Variants in RBM34 observed in about 807,000 individuals in gnomAD.
RBM34 encodes the protein RNA-binding protein 34.
A neutral mutation model predicts 44.6 loss-of-function variants in RBM34; 39 were observed. That is an observed-to-expected ratio of 0.87 (90% CI 0.68 to 1.14). The LOEUF (loss-of-function observed/expected upper bound fraction) is 1.14, where lower values mean the gene tolerates loss of function less well. Ranked by LOEUF, RBM34 falls within the 50% of genes most tolerant of loss-of-function variation. The pLI, the probability that RBM34 is intolerant of heterozygous loss-of-function variation, is 0.00. For synonymous variants in RBM34, 194 were observed against 184.0 expected, an observed-to-expected ratio of 1.05 and a Z score of -0.44; for missense variants, 572 against 517.9, an observed-to-expected ratio of 1.10 and a Z score of -1.01.
At chr1:235,141,774 G>A (rs1461972132) in intron 6 of RBM34, among the ~76,000 whole-genome samples, 5 of 152,130 alleles carry the variant, frequency 3.3e-5, no homozygotes, top group African/African-American at 9.7e-5. Flanking sequence ...CTTAAGAGCT[G>A]TAACACTCAC....
At chr1:235,152,633 C>A in intron 5 of RBM34, 73 bp downstream of exon 5, 1 of 1,565,174 alleles carries the variant, frequency 6.4e-7, no homozygotes. Flanking sequence ...ATCTCACTAA[C>A]AGCAATAAGT....
In RBM34 at chr1:235,160,510, C is replaced by A. The variant is rs762023566; in HGVS notation, c.365+1G>T. 6.2e-7 allele frequency: 1 copy of A among 1,609,632 alleles called. No individual in the cohort carries two copies. The highest frequency in any genetic ancestry group is 8.5e-7 in the Non-Finnish European group (1 of 1,178,926). On this transcript the variant is annotated splice_donor_variant, in intron 3 of 10. Transcript: ENST00000408888. LOFTEE classifies it high-confidence loss of function. ...ACATCAAATAAGAGAATTTTACCAA[C>A]CTGTCTGCCAACTTTTTTTCTGCGT...
intron 8 of RBM34, among the ~76,000 whole-genome samples, chr1:235,137,658 G>A (rs940610153): frequency 6.6e-6 from 1 of 151,648 alleles, no homozygotes; most frequent in East Asian, 1.9e-4. Context: ...TTACAGGCAT[G>A]AGCCATTGTG....
chr1:235,132,116 C>G (rs1482966469), intron 10 of RBM34, 119 bp from the exon 11 acceptor site: 3 of 904,946 alleles, frequency 3.3e-6, no homozygotes, highest in Non-Finnish European at 4.9e-6. Context: ...AAGCCCCATC[C>G]AATCCCAGGT....
chr1:235,160,787 C>T, intron 2 of RBM34, 106 bp downstream of exon 2: 1 of 1,515,240 alleles, frequency 6.6e-7, no homozygotes, highest in South Asian at 1.2e-5. Context: ...TAAAATGAAT[C>T]CTGTCTGCCC....
At chr1:235,140,572 C>T (rs1018468677) in intron 6 of RBM34, among the ~76,000 whole-genome samples, 1 of 152,208 alleles carries the variant, frequency 6.6e-6, no homozygotes, top group African/African-American at 2.4e-5. Flanking sequence ...GCCTGAGCCT[C>T]CCACCCCCTC....
chr1:235,152,281 C>T (rs1247774259), intron 5 of RBM34, among the ~76,000 whole-genome samples: 1 of 152,166 alleles, frequency 6.6e-6, no homozygotes, highest in Non-Finnish European at 1.5e-5. Flanking sequence ...ATTAAATTGA[C>T]ATAAATTCTT....
chr1:235,136,801 T>A (rs1393951629), intron 8 of RBM34, among the ~76,000 whole-genome samples: 1 of 152,250 alleles, frequency 6.6e-6, no homozygotes, highest in Non-Finnish European at 1.5e-5. Flanking sequence ...AAGGTCTTCA[T>A]GATTTGGCCT....
In RBM34 at chr1:235,155,864, T is replaced by TATACATAC. The variant is rs1553275377; in HGVS notation, c.366-753_366-752insGTATGTAT. ...ATATATATATATATATATATATATA[T>TATACATAC]ATACATATATACTTTTTTTTTTTGA... On this transcript the variant is annotated intron_variant, in intron 3 of 10. Transcript: ENST00000408888. Among the ~76,000 whole-genome samples the TATACATAC allele has an allele frequency of 5.2e-4, 42 of 81,124 alleles. 2 individuals carry two copies. Among genetic ancestry groups the TATACATAC allele is most frequent in the African/African-American group, 4.0e-3 (41 of 10,224 alleles). The allele number at this position is 81,124 out of a possible 152,430, so 53.2% of individuals were successfully genotyped here.
intron 6 of RBM34, among the ~76,000 whole-genome samples, chr1:235,140,679 G>T (rs1444588504): frequency 6.6e-6 from 1 of 152,250 alleles, no homozygotes; most frequent in African/African-American, 2.4e-5. Flanking sequence ...GGGAGTGCAG[G>T]CGCACGGCAT....
rs1257411746 is a variant in RBM34, at chr1:235,136,048, C to T, written c.875G>A (p.Gly292Glu). The change falls in exon 9 of 11, where the codon GGG becomes GAG. Residue 292 changes from glycine to glutamate, a missense_variant. Transcript: ENST00000408888. ...AACAAACTTACTATAAGGGAGATTCCCCACAAAAACCGATCTCTTGTCTCT... is the reference window on the plus strand; with the variant it reads ...AACAAACTTACTATAAGGGAGATTCTCCACAAAAACCGATCTCTTGTCTCT... Reference protein sequence around the residue: ...SSRDKRSVFVGNLPYKVEESA... With the variant: ...SSRDKRSVFVENLPYKVEESA... 1.3e-6 allele frequency: 2 copies of T among 1,594,260 alleles called. No homozygotes were observed. Among genetic ancestry groups the T allele is most frequent in the East Asian group, 4.5e-5 (2 of 44,740 alleles).
At chr1:235,156,761 C>T (rs1427064484) in intron 3 of RBM34, 2 of 385,514 alleles carry the variant, frequency 5.2e-6, no homozygotes, top group African/African-American at 2.1e-5. Flanking sequence ...AAATACTTAC[C>T]GGGTTCCTAC....
intron 3 of RBM34, among the ~76,000 whole-genome samples, chr1:235,155,822 C>CATATATATATATATATATATAT (rs1172462826): frequency 2.2e-4 from 14 of 64,164 alleles, no homozygotes; most frequent in African/African-American, 3.5e-4. Context: ...CATACATATA[C>CATATATATATATATATATATAT]ATATATATAT....
Position 235,155,105 on chromosome 1 carries a change from C to A in RBM34, c.373G>T (p.Ala125Ser). ...TCTTCTAAATCAGCACTCGCTAGAG[C>A]GCTTTCCCTTTTTAAGGCAAAAAAT... is the stretch of plus-strand genomic sequence containing the variant. ...AEKKLADRES[A>S]LASADLEEEI... Residue 125 changes from alanine to serine, a missense_variant, in exon 4 of 11, where the codon GCT (alanine) becomes TCT (serine). Coordinates refer to ENST00000408888, the MANE Select transcript of RBM34 (RefSeq NM_015014.4). 3.1e-6 allele frequency: 5 copies of A among 1,610,306 alleles called. No homozygotes were observed. Among genetic ancestry groups the A allele is most frequent in the Non-Finnish European group, 4.2e-6 (5 of 1,179,274 alleles).
At chr1:235,149,561 T>C (rs1270675109) in intron 5 of RBM34, among the ~76,000 whole-genome samples, 1 of 152,184 alleles carries the variant, frequency 6.6e-6, no homozygotes, top group Non-Finnish European at 1.5e-5. Flanking sequence ...AAAAAATGCA[T>C]GGTGTCCATC....
At chr1:235,147,312 T>G (rs1661946609) in intron 6 of RBM34, among the ~76,000 whole-genome samples, 1 of 152,202 alleles carries the variant, frequency 6.6e-6, no homozygotes, top group Admixed American at 6.5e-5. Flanking sequence ...GTGTGAAAAT[T>G]CCAATTTTCT....
chr1:235,137,540 ATT>A (rs558945575), intron 8 of RBM34, among the ~76,000 whole-genome samples: 21,101 of 140,590 alleles, frequency 0.15, 1,474 homozygotes, highest in Middle Eastern at 0.21. Context: ...CACTTGACTA[ATT>A]TTTTTTTTTT....
intron 2 of RBM34, 78 bp downstream of exon 2, chr1:235,160,815 T>C (rs1159233563): frequency 1.3e-6 from 2 of 1,561,402 alleles, no homozygotes; most frequent in Non-Finnish European, 1.7e-6. Flanking sequence ...AAATCACGCT[T>C]CACGCGGTAG....
At chr1:235,153,111 G>A (rs538815001) in intron 4 of RBM34, among the ~76,000 whole-genome samples, 5 of 152,020 alleles carry the variant, frequency 3.3e-5, no homozygotes, top group Non-Finnish European at 5.9e-5. Context: ...CTCAGGTGAT[G>A]CAACCACATC....
Sources: allele counts gnomAD v4.1 joint callset (sites outside exome capture counted in the v4.1 genomes callset), GRCh38; gene constraint gnomAD v4.1.1; transcripts MANE v1.5; gene names NCBI Gene and HGNC (gene_info 2026-07-23, HGNC 2026-07-21).